The following AKAP19 variants were observed in gnomAD, a reference collection of about 807,000 sequenced individuals.
The protein encoded by AKAP19 is A-kinase anchoring protein 19.
chr2:189,925,160 C>T, the AKAP19 span, among the ~76,000 whole-genome samples: 1 of 152,132 alleles, frequency 6.6e-6, no homozygotes, highest in African/African-American at 2.4e-5. Context: ...TTCATACCCA[C>T]AAACAGACCT....
At chr2:190,125,843 C>T in the AKAP19 span, among the ~76,000 whole-genome samples, 2 of 151,974 alleles carry the variant, frequency 1.3e-5, no homozygotes, top group Non-Finnish European at 2.9e-5. Context: ...AACAGCACGG[C>T]AATTCCCAGA....
At chr2:190,034,665 C>T in the AKAP19 span, among the ~76,000 whole-genome samples, 2 of 149,938 alleles carry the variant, frequency 1.3e-5, no homozygotes, top group Non-Finnish European at 3.0e-5. Flanking sequence ...GCCAACATGA[C>T]GAAACCCCAT....
chr2:189,947,512 C>A, the AKAP19 span, among the ~76,000 whole-genome samples: 1 of 152,038 alleles, frequency 6.6e-6, no homozygotes, highest in Non-Finnish European at 1.5e-5. Flanking sequence ...CACTTTGTCA[C>A]CAGAAAGATG....
At chr2:190,178,614 C>T in the AKAP19 span, among the ~76,000 whole-genome samples, 15 of 152,190 alleles carry the variant, frequency 9.9e-5, no homozygotes, top group East Asian at 1.9e-4. The surrounding 1 kb of genome is among the most constrained non-coding windows in gnomAD (Gnocchi z 6.3). Context: ...CCTATGATGG[C>T]GAAGGAAGGG....
the AKAP19 span, chr2:189,924,213 T>C: frequency 1.8e-4 from 271 of 1,547,168 alleles, no homozygotes; most frequent in East Asian, 4.6e-3. Flanking sequence ...AGGATGACTC[T>C]TAAGCACATA....
chr2:190,144,876 C>T, the AKAP19 span, among the ~76,000 whole-genome samples: 1 of 152,202 alleles, frequency 6.6e-6, no homozygotes, highest in East Asian at 1.9e-4. Context: ...ACTTGGGAGG[C>T]TGAGGCAGGA....
the AKAP19 span, among the ~76,000 whole-genome samples, chr2:190,124,293 G>C: frequency 6.6e-6 from 1 of 152,196 alleles, no homozygotes; most frequent in African/African-American, 2.4e-5. Context: ...TTGCAAACAT[G>C]AGAGATTATA....
chr2:190,180,552 G>T, the AKAP19 span: 6 of 985,830 alleles, frequency 6.1e-6, no homozygotes, highest in Non-Finnish European at 7.2e-6. This position sits in a 1 kb window ranked among gnomAD's most constrained non-coding sequence, Gnocchi z 6.8. Context: ...TCCCGCTGCG[G>T]CGCCGGCAGC....
At chr2:190,200,167 C>T in the AKAP19 span, 2 of 1,602,846 alleles carry the variant, frequency 1.2e-6, no homozygotes, top group Non-Finnish European at 8.5e-7. Context: ...GATGACAACA[C>T]TTTGACTGTG....
chr2:189,898,871 ACT>A, the AKAP19 span, among the ~76,000 whole-genome samples: 2 of 151,518 alleles, frequency 1.3e-5, no homozygotes, highest in South Asian at 2.1e-4. Flanking sequence ...TAATCAAATC[ACT>A]CTCTTGTGTT....
At chr2:189,917,417 CA>C in the AKAP19 span, 1 of 819,766 alleles carries the variant, frequency 1.2e-6, no homozygotes, top group Admixed American at 2.1e-5. Flanking sequence ...GTCTTCTTCT[CA>C]AAACCATGTC....
chr2:189,999,300 T>C, the AKAP19 span, among the ~76,000 whole-genome samples: 1 of 152,200 alleles, frequency 6.6e-6, no homozygotes, highest in South Asian at 2.1e-4. Context: ...TTTCAAGATA[T>C]TTGCTAATTT....
At chr2:190,142,296 C>A in the AKAP19 span, among the ~76,000 whole-genome samples, 3 of 152,140 alleles carry the variant, frequency 2.0e-5, no homozygotes, top group South Asian at 4.1e-4. Context: ...TCATTAGACA[C>A]AATGATTTTA....
chr2:190,102,714 C>T, the AKAP19 span, among the ~76,000 whole-genome samples: 10 of 152,114 alleles, frequency 6.6e-5, no homozygotes, highest in South Asian at 6.2e-4. Flanking sequence ...ACCTACCAAC[C>T]GAACAAAGCA....
the AKAP19 span, among the ~76,000 whole-genome samples, chr2:190,098,796 T>C: frequency 6.6e-6 from 1 of 152,360 alleles, no homozygotes; most frequent in African/African-American, 2.4e-5. Context: ...TCATCAATGA[T>C]GTTGGCTAGA....
chr2:189,989,493 G>T, the AKAP19 span, among the ~76,000 whole-genome samples: 7 of 151,780 alleles, frequency 4.6e-5, no homozygotes, highest in Admixed American at 2.6e-4. Flanking sequence ...TGAAGTTAAG[G>T]TAGTTATATT....
the AKAP19 span, among the ~76,000 whole-genome samples, chr2:190,109,713 T>G: frequency 6.6e-6 from 1 of 152,208 alleles, no homozygotes; most frequent in Admixed American, 6.5e-5. Context: ...AGGATCTGCC[T>G]GTTTCTAAAG....
the AKAP19 span, among the ~76,000 whole-genome samples, chr2:190,102,625 A>T: frequency 6.6e-6 from 1 of 152,174 alleles, no homozygotes; most frequent in African/African-American, 2.4e-5. Context: ...ACCTGCCAAG[A>T]TTGAATTAGA....
At chr2:190,142,138 G>C in the AKAP19 span, among the ~76,000 whole-genome samples, 1 of 152,136 alleles carries the variant, frequency 6.6e-6, no homozygotes, top group Non-Finnish European at 1.5e-5. Context: ...ACTGATTTCA[G>C]CCAGCTTCAT....
Sources: gnomAD v4.1 joint callset for allele counts (sites outside exome capture counted in the v4.1 genomes callset) on GRCh38, gnomAD v4.1.1 for gene constraint, Gnocchi (gnomAD v3.1) non-coding constraint, MANE v1.5 for transcripts, NCBI Gene and HGNC (gene_info 2026-07-23, HGNC 2026-07-21) for gene names.